Variants in GABRA3 observed in about 807,000 individuals in gnomAD.
GABRA3 encodes the protein gamma-aminobutyric acid receptor subunit alpha-3.
GABRA3 carries 10 observed loss-of-function variants against 30.1 expected under a neutral mutation model. The observed-to-expected ratio is 0.33, with a 90% CI of 0.20 to 0.56. The LOEUF is 0.56. Ranked by LOEUF, GABRA3 falls within the 20% of genes least tolerant of loss-of-function variation. The pLI, the probability that GABRA3 is intolerant of heterozygous loss-of-function variation, is 0.89. For missense variants in GABRA3, 233 were observed against 392.0 expected (o/e 0.59, Z 3.42); for synonymous variants, 151 against 146.8 (o/e 1.03, Z -0.21).
intron 1 of GABRA3, among the ~76,000 whole-genome samples, chrX:152,418,561 T>C (rs1384966775): frequency 9.0e-6 from 1 of 111,709 alleles, no homozygotes; most frequent in Admixed American, 9.5e-5. Context: ...GATACATGTA[T>C]TTGAAAAGAC....
At chrX:152,184,234 G>A (rs1044305433) in intron 9 of GABRA3, among the ~76,000 whole-genome samples, 44 of 111,231 alleles carry the variant, frequency 4.0e-4, no homozygotes, top group African/African-American at 1.4e-3. Flanking sequence ...AAGGTGAGGT[G>A]TTCCTTTTTA....
intron 3 of GABRA3, among the ~76,000 whole-genome samples, chrX:152,290,179 T>C (rs1330521024): frequency 8.9e-6 from 1 of 111,948 alleles, no homozygotes; most frequent in African/African-American, 3.2e-5. Flanking sequence ...CCAGTATCTG[T>C]TCTTTCCTTT....
chrX:152,290,114 C>T (rs1462744677), intron 3 of GABRA3, among the ~76,000 whole-genome samples: 1 of 109,446 alleles, frequency 9.1e-6, no homozygotes, highest in Non-Finnish European at 1.9e-5. Context: ...AATGATTGAA[C>T]TAGTTTACCC....
intron 3 of GABRA3, among the ~76,000 whole-genome samples, chrX:152,292,801 G>A (rs943567004): frequency 7.2e-5 from 8 of 111,722 alleles, no homozygotes; most frequent in Non-Finnish European, 1.3e-4. Context: ...CCATCATTTT[G>A]TTATTTACCC....
chrX:152,391,424 G>C (rs749064987), intron 1 of GABRA3, among the ~76,000 whole-genome samples: 36 of 111,665 alleles, frequency 3.2e-4, no homozygotes, highest in African/African-American at 1.1e-3. Flanking sequence ...AAATTGTACA[G>C]ATGATCACAA....
chrX:152,201,768 T>A (rs1441917115), intron 7 of GABRA3, among the ~76,000 whole-genome samples: 1 of 112,088 alleles, frequency 8.9e-6, no homozygotes, highest in African/African-American at 3.2e-5. Context: ...ATCTTGGGTA[T>A]TTTTCCCTCT....
intron 3 of GABRA3, among the ~76,000 whole-genome samples, chrX:152,342,221 A>G (rs181575761): frequency 9.2e-4 from 103 of 112,568 alleles, no homozygotes; most frequent in Non-Finnish European, 1.7e-3. Flanking sequence ...GTAGTATCTC[A>G]CTGTGGTTTT....
intron 4 of GABRA3, among the ~76,000 whole-genome samples, chrX:152,281,711 C>A (rs188331314): frequency 7.2e-4 from 80 of 111,600 alleles, no homozygotes; most frequent in African/African-American, 2.5e-3. Context: ...TTAATAATCA[C>A]TAATGTCTCC....
intron 1 of GABRA3, among the ~76,000 whole-genome samples, chrX:152,444,889 G>A (rs1469688114): frequency 2.1e-5 from 2 of 93,768 alleles, no homozygotes; most frequent in Non-Finnish European, 4.2e-5. Flanking sequence ...GTGAAACCCC[G>A]TCTCTACTAA....
intron 3 of GABRA3, among the ~76,000 whole-genome samples, chrX:152,314,313 C>A (rs1211482502): frequency 9.0e-6 from 1 of 111,622 alleles, no homozygotes; most frequent in East Asian, 2.8e-4. Flanking sequence ...TTTGTACCCA[C>A]CCAGAACCCA....
chrX:152,207,580 C>T (rs1195261132), intron 7 of GABRA3, among the ~76,000 whole-genome samples: 1 of 112,086 alleles, frequency 8.9e-6, no homozygotes, highest in Non-Finnish European at 1.9e-5. Flanking sequence ...GTGTGCTTGA[C>T]CTTTTCTGGG....
At chrX:152,367,124 G>C (rs146087737) in intron 1 of GABRA3, among the ~76,000 whole-genome samples, 8 of 111,091 alleles carry the variant, frequency 7.2e-5, no homozygotes, top group Non-Finnish European at 1.5e-4. Flanking sequence ...AGACAACCAT[G>C]ATGTACAAGC....
At chrX:152,190,258 G>GA (rs1027810545) in intron 8 of GABRA3, among the ~76,000 whole-genome samples, 49 of 101,902 alleles carry the variant, frequency 4.8e-4, no homozygotes, top group East Asian at 1.5e-3. Context: ...ATTTTAATTA[G>GA]AAAAAAAAAA....
chrX:152,198,587 C>T (rs941111210), intron 7 of GABRA3, among the ~76,000 whole-genome samples: 9 of 111,944 alleles, frequency 8.0e-5, no homozygotes, highest in African/African-American at 2.0e-4. Flanking sequence ...GATCCTTCTT[C>T]CCTCTTGTAA....
chrX:152,195,403 T>C (rs1937372827), intron 8 of GABRA3, among the ~76,000 whole-genome samples: 1 of 112,161 alleles, frequency 8.9e-6, no homozygotes. Context: ...ATTAATTTCC[T>C]TTGGTTTATG....
chrX:152,333,817 A>AT (rs1940195963), intron 3 of GABRA3, among the ~76,000 whole-genome samples: 1 of 111,808 alleles, frequency 8.9e-6, no homozygotes, highest in African/African-American at 3.2e-5. Flanking sequence ...TATTATAAAG[A>AT]TTTTTTAAAA....
chrX:152,409,077 G>T (rs1423610246), intron 1 of GABRA3, among the ~76,000 whole-genome samples: 1 of 111,881 alleles, frequency 8.9e-6, no homozygotes, highest in African/African-American at 3.3e-5. Flanking sequence ...AATTGGCCAG[G>T]CATGGTGGCT....
At chrX:152,349,397 C>T (rs1303446842) in intron 2 of GABRA3, among the ~76,000 whole-genome samples, 4 of 109,452 alleles carry the variant, frequency 3.7e-5, no homozygotes, top group Non-Finnish European at 7.6e-5. Context: ...ACTGCATCAA[C>T]TAACGAGCAA....
intron 1 of GABRA3, among the ~76,000 whole-genome samples, chrX:152,427,598 T>A (rs765954610): frequency 1.8e-5 from 2 of 112,278 alleles, no homozygotes; most frequent in South Asian, 7.4e-4. Flanking sequence ...TTCCACAGCA[T>A]TCGGCTCACC....
Sources: allele counts gnomAD v4.1 joint callset (sites outside exome capture counted in the v4.1 genomes callset), GRCh38; gene constraint gnomAD v4.1.1; transcripts MANE v1.5; gene names NCBI Gene and HGNC (gene_info 2026-07-23, HGNC 2026-07-21).